Variants in EYS observed in about 807,000 individuals in gnomAD.
EYS encodes protein eyes shut homolog.
In EYS, 250 loss-of-function variants were observed where a neutral mutation model predicts 282.1. The observed-to-expected ratio is 0.89, with a 90% CI of 0.80 to 0.98. The LOEUF (loss-of-function observed/expected upper bound fraction) is 0.98, where lower values mean the gene tolerates loss of function less well. Among genes scored for constraint, EYS ranks in the 50% least tolerant of loss-of-function variants. The pLI is 0.00. For synonymous variants in EYS, 1,355 were observed against 1,282.9 expected (o/e 1.06, Z -1.20); for missense variants, 4,016 against 3,709.0 (o/e 1.08, Z -2.15).
intron 19 of EYS, 111 bp from the exon 20 acceptor site, chr6:64,822,933 A>G (rs1764944265): frequency 1.3e-6 from 1 of 793,044 alleles, no homozygotes; most frequent in Non-Finnish European, 2.0e-6. Context: ...CTCTATAATG[A>G]TAACTTGGTA....
chr6:64,519,986 C>T (rs1464966572), intron 26 of EYS, among the ~76,000 whole-genome samples: 1 of 151,744 alleles, frequency 6.6e-6, no homozygotes, highest in Non-Finnish European at 1.5e-5. Context: ...AGCAAGAAAC[C>T]GTACTTCTAC....
chr6:64,631,492 T>G (rs1032972310), intron 22 of EYS: 33 of 152,314 alleles, frequency 2.2e-4, no homozygotes, highest in Middle Eastern at 3.4e-3. Flanking sequence ...TTGTTGCTGA[T>G]ACTGTTCCTT....
intron 41 of EYS, among the ~76,000 whole-genome samples, chr6:63,734,100 A>G (rs1768848969): frequency 6.6e-6 from 1 of 152,160 alleles, no homozygotes; most frequent in Admixed American, 6.6e-5. Flanking sequence ...GATGGGAACA[A>G]TTGACACTGG....
chr6:64,659,660 C>A (rs949084934), intron 22 of EYS, among the ~76,000 whole-genome samples: 1 of 152,148 alleles, frequency 6.6e-6, no homozygotes, highest in Non-Finnish European at 1.5e-5. Flanking sequence ...TTCCTTGACA[C>A]ATACACCCTC....
At chr6:64,459,947 G>GAA (rs68098455) in intron 26 of EYS, among the ~76,000 whole-genome samples, 2 of 141,748 alleles carry the variant, frequency 1.4e-5, no homozygotes, top group Non-Finnish European at 1.5e-5. Context: ...GTAATATCCA[G>GAA]AAAAAAAAAA....
intron 2 of EYS, among the ~76,000 whole-genome samples, chr6:65,544,214 T>C (rs1053332812): frequency 3.3e-5 from 5 of 152,190 alleles, no homozygotes; most frequent in African/African-American, 1.2e-4. Flanking sequence ...TTTATAGCAG[T>C]AGCTCATTAC....
chr6:65,590,810 G>GTTT (rs531645037), intron 2 of EYS, among the ~76,000 whole-genome samples: 2 of 143,488 alleles, frequency 1.4e-5, no homozygotes, highest in African/African-American at 2.5e-5. Context: ...GAATTTTAAT[G>GTTT]TTTTTTTTTT....
intron 13 of EYS, among the ~76,000 whole-genome samples, chr6:65,055,544 T>A (rs1773388890): frequency 6.6e-6 from 1 of 152,090 alleles, no homozygotes. Flanking sequence ...ATGTCTTTTT[T>A]TCTGTTCCAA....
intron 12 of EYS, among the ~76,000 whole-genome samples, chr6:65,229,396 T>C (rs969596841): frequency 6.6e-6 from 1 of 151,882 alleles, no homozygotes; most frequent in African/African-American, 2.4e-5. Context: ...TTGTGTTATA[T>C]AACAGTAGAG....
intron 22 of EYS, among the ~76,000 whole-genome samples, chr6:64,649,764 A>C (rs1463677360): frequency 6.6e-6 from 1 of 152,168 alleles, no homozygotes; most frequent in Admixed American, 6.6e-5. Flanking sequence ...CAAGAGAAAA[A>C]TTTGAGTATC....
intron 22 of EYS, among the ~76,000 whole-genome samples, chr6:64,806,961 G>A (rs892362617): frequency 2.0e-5 from 3 of 152,036 alleles, no homozygotes; most frequent in Non-Finnish European, 4.4e-5. Context: ...GCTTATTTCT[G>A]TAGTCCTCTG....
chr6:65,338,587 T>G (rs1770080737), intron 10 of EYS, among the ~76,000 whole-genome samples: 1 of 151,146 alleles, frequency 6.6e-6, no homozygotes, highest in South Asian at 2.1e-4. Flanking sequence ...AATATATAAT[T>G]AATTATTAAA....
chr6:64,920,726 T>A (rs1768318544), intron 15 of EYS, among the ~76,000 whole-genome samples: 1 of 152,152 alleles, frequency 6.6e-6, no homozygotes, highest in African/African-American at 2.4e-5. Flanking sequence ...AAATACAGTT[T>A]AAAATGTATA....
At chr6:63,899,633 G>T (rs1309582663) in intron 35 of EYS, among the ~76,000 whole-genome samples, 1 of 152,106 alleles carries the variant, frequency 6.6e-6, no homozygotes. Flanking sequence ...TATGCCTCAG[G>T]ATTCATTCAG....
At chr6:63,861,065 A>G (rs1286426286) in intron 36 of EYS, among the ~76,000 whole-genome samples, 2 of 152,176 alleles carry the variant, frequency 1.3e-5, no homozygotes, top group South Asian at 4.1e-4. Flanking sequence ...CACCAGCATC[A>G]TATATCCAAT....
chr6:64,705,841 G>A (rs1308720238), intron 22 of EYS, among the ~76,000 whole-genome samples: 30 of 111,176 alleles, frequency 2.7e-4, no homozygotes, highest in Non-Finnish European at 4.5e-4. Context: ...GTGGGAGGGA[G>A]GGGGGAGGGG....
At chr6:64,232,482 C>T (rs1257211140) in intron 30 of EYS, among the ~76,000 whole-genome samples, 6 of 152,076 alleles carry the variant, frequency 3.9e-5, no homozygotes, top group Admixed American at 3.3e-4. Flanking sequence ...CTCCACCTCC[C>T]GGGTTCAAGC....
chr6:65,246,396 G>T (rs1435685773), intron 12 of EYS, among the ~76,000 whole-genome samples: 1 of 152,058 alleles, frequency 6.6e-6, no homozygotes, highest in African/African-American at 2.4e-5. Flanking sequence ...ACAAGGAAAG[G>T]CTGTTAATTT....
intron 14 of EYS, among the ~76,000 whole-genome samples, chr6:64,977,582 TA>T (rs560718279): frequency 1.5e-3 from 224 of 149,320 alleles, no homozygotes; most frequent in Non-Finnish European, 2.9e-3. Context: ...TAGAAATAAC[TA>T]AGCCTAGTGT....
Sources: allele counts gnomAD v4.1 joint callset (sites outside exome capture counted in the v4.1 genomes callset), GRCh38; gene constraint gnomAD v4.1.1; transcripts MANE v1.5; gene names NCBI Gene and HGNC (gene_info 2026-07-23, HGNC 2026-07-21).